The following CDK11B variants were observed in gnomAD, a reference collection of about 807,000 sequenced individuals.
CDK11B encodes the protein cyclin-dependent kinase 11B.
Under a neutral mutation model 84.0 loss-of-function variants are expected in CDK11B, and 37 were observed. The ratio of observed to expected loss-of-function variants is 0.44; its 90% CI spans 0.34 to 0.58. CDK11B has a LOEUF of 0.58. Ranked by LOEUF, CDK11B falls within the 20% of genes least tolerant of loss-of-function variation. The probability of loss-of-function intolerance (pLI) is 0.02; values close to 1 mark genes in which losing one functional copy is unlikely to be tolerated. For missense variants in CDK11B, 427 were observed against 834.0 expected (o/e 0.51, Z 6.01); for synonymous variants, 269 against 309.8 (o/e 0.87, Z 1.38).
chr1:1,651,787 C>G (rs1283456812), intron 4 of CDK11B, among the ~76,000 whole-genome samples: 4 of 151,328 alleles, frequency 2.6e-5, no homozygotes, highest in African/African-American at 9.7e-5. Flanking sequence ...CACACGCACG[C>G]TTTCAGCTAG....
At chr1:1,655,864 A>C (rs1642677069) in intron 2 of CDK11B, among the ~76,000 whole-genome samples, 1 of 151,914 alleles carries the variant, frequency 6.6e-6, no homozygotes, top group African/African-American at 2.4e-5. Flanking sequence ...GCCTGGCGAC[A>C]GAGTTAGACT....
At chr1:1,649,659 T>A (rs1267350868) in intron 4 of CDK11B, 22 bp from the exon 5 acceptor site, 1 of 1,608,398 alleles carries the variant, frequency 6.2e-7, no homozygotes, top group African/African-American at 1.3e-5. Flanking sequence ...TAAAGTGTCA[T>A]GCAAAGAAAC....
intron 5 of CDK11B, among the ~76,000 whole-genome samples, chr1:1,647,766 G>A (rs1281494879): frequency 6.6e-6 from 1 of 152,216 alleles, no homozygotes; most frequent in African/African-American, 2.4e-5. Context: ...CTTCATTCTA[G>A]CAGACCTCTT....
Position 1,655,349 on chromosome 1 carries a change from A to C in CDK11B, c.227+20T>G, listed in dbSNP as rs1459064278. Reference sequence around the variant, plus strand: ...AGGGCTGTGTACAGCTGGGTCTTGCACATCTGTACATCCGCTCACCTGTCT... The same window carrying C: ...AGGGCTGTGTACAGCTGGGTCTTGCCCATCTGTACATCCGCTCACCTGTCT... On this transcript the variant is annotated intron_variant, in intron 3 of 19. Coordinates refer to ENST00000341832, the MANE Select transcript of CDK11B (RefSeq NM_033486.3). 6.2e-7 allele frequency: 1 copy of C among 1,611,544 alleles called. No homozygotes were observed. The highest frequency in any genetic ancestry group is 8.5e-7 in the Non-Finnish European group (1 of 1,178,660).
intron 5 of CDK11B, chr1:1,646,500 T>C (rs780797544): frequency 9.6e-6 from 5 of 518,886 alleles, no homozygotes; most frequent in African/African-American, 3.9e-5. Context: ...CCACATACCA[T>C]GACAACAGTG....
At position 1,655,379 on chromosome 1, in the gene CDK11B, T is replaced by C. The variant is rs768172239; in HGVS notation, c.217A>G (p.Met73Val). 4 of 1,613,516 alleles carry C rather than the reference T, an allele frequency of 2.5e-6. No homozygotes were observed. The highest frequency in any genetic ancestry group is 3.4e-6 in the Non-Finnish European group (4 of 1,179,594). The change falls in exon 3 of 20, where the codon ATG becomes GTG. Residue 73 changes from methionine (M) to valine (V), a missense_variant. By Grantham distance (21) the Met-to-Val change is conservative. This residue lies in a region of CDK11B where 57 missense variants were observed against 62.2 expected (regional missense o/e 0.92). Coordinates refer to ENST00000341832, the MANE Select transcript of CDK11B (RefSeq NM_033486.3). ...RNSPYRREDS[M>V]EDRGEEDDSL... Reference sequence around the variant, plus strand: ...TGTACATCCGCTCACCTGTCTTCCATAGAGTCTTCTCTTCTATACGGGGAG... The same window carrying C: ...TGTACATCCGCTCACCTGTCTTCCACAGAGTCTTCTCTTCTATACGGGGAG...
intron 5 of CDK11B, among the ~76,000 whole-genome samples, chr1:1,648,816 C>G (rs1641512385): frequency 6.6e-6 from 1 of 152,070 alleles, no homozygotes; most frequent in South Asian, 2.1e-4. Context: ...GTCAACCAGG[C>G]TGGAGTGCAA....
chr1:1,649,021 C>T (rs895942433), intron 5 of CDK11B, among the ~76,000 whole-genome samples: 17 of 152,216 alleles, frequency 1.1e-4, no homozygotes, highest in African/African-American at 1.7e-4. Flanking sequence ...AACTCACTCC[C>T]TCAGGACAGT....
rs1259755934 is a variant in CDK11B at position 1,650,447 on chromosome 1, G to A, written c.356-810C>T. ...GTGGCGCAATCTCGGCTCACTGCAAGCTCCGCCTCCCGTGTTCACACCATT... is the reference window on the plus strand; with the variant it reads ...GTGGCGCAATCTCGGCTCACTGCAAACTCCGCCTCCCGTGTTCACACCATT... On this transcript the variant is annotated intron_variant, in intron 4 of 19. Transcript: ENST00000341832. 3.0e-3 allele frequency among the ~76,000 whole-genome samples: 438 copies of A among 144,040 alleles called. 3 individuals are homozygous for A. The highest frequency in any genetic ancestry group is 0.011 in the African/African-American group (414 of 38,356). 94.5% of individuals were successfully genotyped at this position (144,040 alleles called of 152,430 possible).
At chr1:1,652,374 A>T in intron 4 of CDK11B, 65 bp downstream of exon 4, 1 of 1,325,392 alleles carries the variant, frequency 7.5e-7, no homozygotes, top group East Asian at 2.8e-5. Context: ...GGGAAGGCAG[A>T]AGAGTAGGAA....
At chr1:1,653,028 T>G (rs1249410922) in intron 3 of CDK11B, among the ~76,000 whole-genome samples, 1 of 150,786 alleles carries the variant, frequency 6.6e-6, no homozygotes, top group Non-Finnish European at 1.5e-5. Flanking sequence ...CGGCCTGTAT[T>G]TATTTTTTTG....
chr1:1,644,430 G>A (rs1640708562), intron 6 of CDK11B, among the ~76,000 whole-genome samples: 1 of 127,894 alleles, frequency 7.8e-6, no homozygotes, highest in Non-Finnish European at 1.6e-5. Flanking sequence ...CTGGGCAACA[G>A]AAGAAGACTC....
At chr1:1,656,509 G>A (rs112392696) in intron 2 of CDK11B, among the ~76,000 whole-genome samples, 3 of 151,930 alleles carry the variant, frequency 2.0e-5, no homozygotes, top group South Asian at 4.2e-4. Context: ...AAAAAAGGCC[G>A]GGCGCGGAGG....
chr1:1,650,435 G>A (rs1410843973), intron 4 of CDK11B, among the ~76,000 whole-genome samples: 23 of 138,940 alleles, frequency 1.7e-4, no homozygotes, highest in East Asian at 4.3e-4. Context: ...GCGCAATCTC[G>A]GCTCACTGCA....
At position 1,655,574 on chromosome 1, in the gene CDK11B, C is replaced by A. The variant is rs184764761; in HGVS notation, c.112-90G>T. Reference sequence around the variant, plus strand: ...ATTTTTAATGATAATCAAACCTGGGCAACATCCCAAAACAAACTTTCATAT... The same window carrying A: ...ATTTTTAATGATAATCAAACCTGGGAAACATCCCAAAACAAACTTTCATAT... On this transcript the variant is annotated intron_variant, in intron 2 of 19. Transcript: ENST00000341832. The A allele has an allele frequency of 3.4e-5, 49 of 1,449,014 alleles. No homozygotes were observed. In the African/African-American group the frequency reaches 6.7e-4, roughly 20 times the overall value. The allele number at this position is 1,449,014 out of a possible 1,614,324, so 89.8% of individuals were successfully genotyped here. A position where few individuals can be genotyped will look rare whatever the true frequency, so the allele number is the denominator to read the frequency against.
At chr1:1,637,369 C>A in intron 14 of CDK11B, 39 bp downstream of exon 14, 1 of 1,602,470 alleles carries the variant, frequency 6.2e-7, no homozygotes, top group Non-Finnish European at 8.5e-7. Flanking sequence ...GACCCTGCCC[C>A]CACTTGTACG....
Position 1,636,977 on chromosome 1 carries a change from A to G in CDK11B, c.1720T>C (p.Tyr574His). 2 of 1,610,830 alleles carry G rather than the reference A, an allele frequency of 1.2e-6. No individual in the cohort carries two copies. The highest frequency in any genetic ancestry group is 1.3e-5 in the African/African-American group (1 of 74,786). ...GTGTAGGCCTTCAGAGGGGATCCGT[A>G]CTCCCGCGCCAGCCCGAAGTCACCC... ...KVGDFGLARE[Y>H]GSPLKAYTPV... is the part of the protein sequence containing the mutation. Residue 574 changes from tyrosine to histidine, a missense_variant, in exon 16 of 20, where the codon TAC becomes CAC. Around this residue, in one of 12 missense-constraint regions of CDK11B, gnomAD observed 170 missense variants for 196.0 expected, o/e 0.87. Transcript: ENST00000341832.
chr1:1,637,535 G>A (rs1297911772), intron 13 of CDK11B, 22 bp from the exon 14 acceptor site: 13 of 1,611,560 alleles, frequency 8.1e-6, no homozygotes, highest in Non-Finnish European at 1.1e-5. Context: ...GGCTCTGTGG[G>A]TGCTGGGCAC....
At chr1:1,644,757 C>T (rs1411904244) in intron 6 of CDK11B, among the ~76,000 whole-genome samples, 2 of 152,162 alleles carry the variant, frequency 1.3e-5, no homozygotes, top group East Asian at 1.9e-4. Flanking sequence ...TTTGGGAGGC[C>T]GAGGTGGGTG....
Sources: gnomAD v4.1 joint callset for allele counts (sites outside exome capture counted in the v4.1 genomes callset) on GRCh38, gnomAD v4.1.1 for gene constraint, gnomAD v4.1.1 regional missense constraint, MANE v1.5 for transcripts, NCBI Gene and HGNC (gene_info 2026-07-23, HGNC 2026-07-21) for gene names.